Variants in PTPRD observed in about 807,000 individuals in gnomAD.
PTPRD encodes receptor-type tyrosine-protein phosphatase delta.
PTPRD carries 34 observed loss-of-function variants against 214.5 expected under a neutral mutation model. The observed-to-expected ratio is 0.16, with a 90% CI of 0.12 to 0.21. The LOEUF (loss-of-function observed/expected upper bound fraction) is 0.21, where lower values mean the gene tolerates loss of function less well. PTPRD is among the 10% of genes least tolerant of loss of function. The pLI is 1.00. For missense variants in PTPRD, 2,545 were observed against 2,398.7 expected, an observed-to-expected ratio of 1.06 and a Z score of -1.27; for synonymous variants, 1,128 against 845.7, an observed-to-expected ratio of 1.33 and a Z score of -5.79.
chr9:10,288,249 C>T (rs148691886), intron 3 of PTPRD, among the ~76,000 whole-genome samples: 234 of 151,702 alleles, frequency 1.5e-3, no homozygotes, highest in African/African-American at 5.5e-3. Context: ...CTTAAAGCTT[C>T]CATAACCACC....
intron 7 of PTPRD, among the ~76,000 whole-genome samples, chr9:9,662,464 T>A (rs995556160): frequency 6.6e-6 from 1 of 151,652 alleles, no homozygotes; most frequent in African/African-American, 2.4e-5. Context: ...TAAGCAATAA[T>A]GTATAGAGAA....
intron 5 of PTPRD, among the ~76,000 whole-genome samples, chr9:9,907,170 T>TGTTTTG (rs1196632760): frequency 4.0e-5 from 6 of 151,738 alleles, no homozygotes; most frequent in South Asian, 2.1e-4. Flanking sequence ...TCCAGGTTTT[T>TGTTTTG]GTTTTGCGGT....
chr9:10,060,827 T>TCTTTCTTTCTTTCTTTCTTCCTTC (rs1217470478), intron 3 of PTPRD, among the ~76,000 whole-genome samples: 38 of 119,752 alleles, frequency 3.2e-4, no homozygotes, highest in Admixed American at 1.2e-3. Flanking sequence ...TTTCTTTCTT[T>TCTTTCTTTCTTTCTTTCTTCCTTC]CTTCCTTCCT....
At chr9:9,378,206 C>T (rs930109094) in intron 9 of PTPRD, among the ~76,000 whole-genome samples, 2 of 152,114 alleles carry the variant, frequency 1.3e-5, no homozygotes, top group Admixed American at 6.6e-5. Context: ...CACTGCAACC[C>T]CTGGCAACCA....
At chr9:9,745,191 C>G (rs961330324) in intron 6 of PTPRD, among the ~76,000 whole-genome samples, 12 of 152,084 alleles carry the variant, frequency 7.9e-5, no homozygotes, top group African/African-American at 1.2e-4. Context: ...TATCATGTCT[C>G]TACTTTTTCT....
chr9:9,532,909 T>G (rs1306612072), intron 8 of PTPRD, among the ~76,000 whole-genome samples: 2 of 152,168 alleles, frequency 1.3e-5, no homozygotes, highest in East Asian at 3.9e-4. Context: ...ATGGCCATTG[T>G]GGACTATTTA....
intron 30 of PTPRD, among the ~76,000 whole-genome samples, chr9:8,475,536 C>G (rs1194300760): frequency 6.6e-6 from 1 of 152,116 alleles, no homozygotes; most frequent in Non-Finnish European, 1.5e-5. Context: ...AGACTCATAT[C>G]TTTAGCCAAG....
intron 2 of PTPRD, among the ~76,000 whole-genome samples, chr9:10,529,269 C>T (rs1254272180): frequency 1.3e-5 from 2 of 152,048 alleles, no homozygotes; most frequent in Non-Finnish European, 2.9e-5. Context: ...CACATTCACA[C>T]GTATGTTTAT....
chr9:9,327,082 A>G (rs10816093), intron 9 of PTPRD, among the ~76,000 whole-genome samples: 37,882 of 152,098 alleles, frequency 0.25, 5,394 homozygotes, highest in East Asian at 0.5. Context: ...GCTGTTCTGT[A>G]GTTTAGCAAG....
At chr9:8,517,704 G>C (rs1437911960) in intron 21 of PTPRD, 144 bp downstream of exon 21, 1 of 678,922 alleles carries the variant, frequency 1.5e-6, no homozygotes, top group Non-Finnish European at 2.5e-6. Flanking sequence ...TTCCTTTTCA[G>C]ATATCTATCA....
At chr9:10,142,095 C>T (rs1287102088) in intron 3 of PTPRD, among the ~76,000 whole-genome samples, 1 of 152,006 alleles carries the variant, frequency 6.6e-6, no homozygotes, top group Admixed American at 6.6e-5. Flanking sequence ...AACTGGATCC[C>T]TTCCTTACAC....
At chr9:8,876,451 G>A (rs1248720053) in intron 11 of PTPRD, among the ~76,000 whole-genome samples, 2 of 152,092 alleles carry the variant, frequency 1.3e-5, no homozygotes, top group African/African-American at 4.8e-5. Context: ...CATGAGTTCT[G>A]AAAACTCCAC....
chr9:10,205,900 AT>A (rs2099472661), intron 3 of PTPRD, among the ~76,000 whole-genome samples: 1 of 152,096 alleles, frequency 6.6e-6, no homozygotes, highest in Admixed American at 6.6e-5. Flanking sequence ...TGTTGATTGA[AT>A]GGCATGTGCC....
intron 43 of PTPRD, among the ~76,000 whole-genome samples, chr9:8,337,036 T>C (rs1384043448): frequency 6.6e-6 from 1 of 152,104 alleles, no homozygotes; most frequent in Non-Finnish European, 1.5e-5. Flanking sequence ...GGAAGACAGT[T>C]TGGTGATTCC....
chr9:9,835,520 C>A (rs990117016), intron 5 of PTPRD, among the ~76,000 whole-genome samples: 1 of 151,986 alleles, frequency 6.6e-6, no homozygotes, highest in African/African-American at 2.4e-5. Context: ...AAAGAAACTC[C>A]CAAATGAGAA....
At chr9:10,133,228 T>C (rs537047576) in intron 3 of PTPRD, among the ~76,000 whole-genome samples, 3 of 152,146 alleles carry the variant, frequency 2.0e-5, no homozygotes, top group Non-Finnish European at 2.9e-5. Flanking sequence ...GTCCAGGTGA[T>C]ACAGAGGAGA....
intron 12 of PTPRD, among the ~76,000 whole-genome samples, chr9:8,677,418 G>A (rs528212186): frequency 6.6e-6 from 1 of 152,080 alleles, no homozygotes; most frequent in African/African-American, 2.4e-5. Flanking sequence ...CTAACACGCA[G>A]GAATGGAAAA....
chr9:10,533,740 A>T (rs1210026020), intron 2 of PTPRD, among the ~76,000 whole-genome samples: 3 of 151,948 alleles, frequency 2.0e-5, no homozygotes, highest in Non-Finnish European at 4.4e-5. Flanking sequence ...AATAATCGAC[A>T]GGCTAGTAAG....
chr9:8,317,921 G>A lies in PTPRD; in HGVS notation c.5692C>T (p.Arg1898Cys), dbSNP rs150063446. The change falls in exon 46 of 46, where the codon CGT becomes TGT. Residue 1898 changes from arginine to cysteine, a missense_variant. Arg to Cys is a radical substitution (Grantham distance 180, BLOSUM62 -3). Coordinates refer to ENST00000381196, the MANE Select transcript of PTPRD (RefSeq NM_002839.4). ...QTEDQYQFSY[R>C]AALEYLGSFD... ...CTGCCCAGGTACTCTAGTGCGGCACGATAGGAAAACTGATATTGATCCTGC... is the reference window on the plus strand; with the variant it reads ...CTGCCCAGGTACTCTAGTGCGGCACAATAGGAAAACTGATATTGATCCTGC... 75 of 1,611,992 alleles carry A rather than the reference G, an allele frequency of 4.7e-5. No individual in the cohort carries two copies. Among genetic ancestry groups the A allele is most frequent in the Non-Finnish European group, 5.9e-5 (69 of 1,178,610 alleles).
Sources: gnomAD v4.1 joint callset for allele counts (sites outside exome capture counted in the v4.1 genomes callset) on GRCh38, gnomAD v4.1.1 for gene constraint, MANE v1.5 for transcripts, NCBI Gene and HGNC (gene_info 2026-07-23, HGNC 2026-07-21) for gene names.